ADAM22: variants seen among roughly 807,000 people sequenced by gnomAD.
ADAM22 encodes the protein ADAM metallopeptidase domain 22.
ADAM22 carries 65 observed loss-of-function variants against 144.6 expected under a neutral mutation model. That is an observed-to-expected ratio of 0.45 (90% CI 0.37 to 0.55). The LOEUF (loss-of-function observed/expected upper bound fraction) is 0.55. Ranked by LOEUF, ADAM22 falls within the 20% of genes least tolerant of loss-of-function variation. The pLI is 0.00. For missense variants in ADAM22, 974 were observed against 1,184.9 expected (o/e 0.82, Z 2.61); for synonymous variants, 391 against 412.6 (o/e 0.95, Z 0.63).
rs1041133022 is a variant in ADAM22 at position 88,070,606 on chromosome 7, A to G, written c.324-5020A>G. On this transcript the variant is annotated intron_variant, in intron 3 of 31. Coordinates refer to ENST00000413139, the MANE Select transcript of ADAM22 (RefSeq NM_001324418.2). The stretch of plus-strand genomic sequence containing the variant: ...GAAGCACATGATTTTGTTTTTTTCT[A>G]TTATTGGTTATGTTAACTGTGATCA... Among the ~76,000 whole-genome samples, 5 of 151,856 alleles carry G rather than the reference A, an allele frequency of 3.3e-5. 1 individual carries two copies. The South Asian group carries it at 8.3e-4, about 25-fold the overall frequency.
At chr7:88,047,720 A>AT (rs1404016418) in intron 3 of ADAM22, among the ~76,000 whole-genome samples, 4 of 152,160 alleles carry the variant, frequency 2.6e-5, no homozygotes, top group Non-Finnish European at 4.4e-5. Flanking sequence ...TGAGTTTGTA[A>AT]TACACTGAGA....
intron 4 of ADAM22, among the ~76,000 whole-genome samples, chr7:88,100,127 T>C (rs1045829113): frequency 2.6e-5 from 4 of 152,202 alleles, no homozygotes; most frequent in South Asian, 2.1e-4. Context: ...TGATATACTA[T>C]ACTTCTCTAT....
chr7:87,982,699 A>ATATATATATATATATATATATATATATAT (rs10527361), intron 3 of ADAM22, among the ~76,000 whole-genome samples: 20 of 62,916 alleles, frequency 3.2e-4, no homozygotes, highest in Middle Eastern at 8.9e-3. Context: ...ATATATATAT[A>ATATATATATATATATATATATATATATAT]ATTTTTTTTT....
chr7:88,057,706 A>G (rs376532769), intron 3 of ADAM22, among the ~76,000 whole-genome samples: 18 of 152,370 alleles, frequency 1.2e-4, no homozygotes, highest in African/African-American at 4.1e-4. Context: ...AGCTCATCAG[A>G]AATAATTGTA....
At chr7:88,125,048 G>A (rs543270111) in intron 7 of ADAM22, among the ~76,000 whole-genome samples, 23 of 151,968 alleles carry the variant, frequency 1.5e-4, no homozygotes, top group African/African-American at 4.3e-4. Context: ...GAATCTATAC[G>A]CATAAACAGT....
At chr7:88,032,791 A>G (rs1031822613) in intron 3 of ADAM22, among the ~76,000 whole-genome samples, 1 of 152,174 alleles carries the variant, frequency 6.6e-6, no homozygotes, top group African/African-American at 2.4e-5. Context: ...GGGCTGTCTC[A>G]TGATACAGTT....
At chr7:88,161,409 G>A (rs562359893) in intron 22 of ADAM22, among the ~76,000 whole-genome samples, 1 of 152,112 alleles carries the variant, frequency 6.6e-6, no homozygotes, top group South Asian at 2.1e-4. Flanking sequence ...CATAAGAATA[G>A]TCAAAGATTT....
At chr7:88,088,345 A>G (rs1361023070) in intron 4 of ADAM22, among the ~76,000 whole-genome samples, 1 of 152,082 alleles carries the variant, frequency 6.6e-6, no homozygotes, top group Admixed American at 6.6e-5. Context: ...ACTTAGCACA[A>G]TACCATCTCC....
In ADAM22 at chr7:88,165,930, C is replaced by A; in HGVS notation, c.2175C>A (p.Ile725=). 1 of 1,609,664 alleles carries A rather than the reference C, an allele frequency of 6.2e-7. No individual in the cohort carries two copies. The change falls in exon 24 of 32, where the codon ATC becomes ATA. Residue 725 remains isoleucine, a synonymous_variant. Coordinates refer to ENST00000413139, the MANE Select transcript of ADAM22 (RefSeq NM_001324418.2). The stretch of plus-strand genomic sequence containing the variant: ...ACAATGATGATGCAAAGACTGGTAT[C>A]ACTCTGTCTGGCAATGGTAAGTACT... ...FPHNDDAKTG[I]TLSGNGVAGT...
intron 3 of ADAM22, among the ~76,000 whole-genome samples, chr7:88,072,070 G>T (rs1041575802): frequency 1.3e-5 from 2 of 152,188 alleles, no homozygotes; most frequent in African/African-American, 2.4e-5. Context: ...AGAGGGAAAA[G>T]TGAAAGTTTA....
intron 31 of ADAM22, among the ~76,000 whole-genome samples, chr7:88,195,589 C>T (rs894959787): frequency 1.3e-5 from 2 of 152,138 alleles, no homozygotes; most frequent in African/African-American, 2.4e-5. Context: ...GATCTCGGCT[C>T]ACTGCAAGCT....
At chr7:88,132,506 G>A (rs750702285) in intron 11 of ADAM22, 23 of 190,772 alleles carry the variant, frequency 1.2e-4, no homozygotes, top group Non-Finnish European at 2.2e-4. Context: ...GAAGAGTATA[G>A]GCCAATTATT....
chr7:87,994,219 T>G (rs996445741), intron 3 of ADAM22, among the ~76,000 whole-genome samples: 1 of 151,634 alleles, frequency 6.6e-6, no homozygotes, highest in Non-Finnish European at 1.5e-5. Context: ...TGGAGTGCAG[T>G]GGTGTGATCT....
chr7:87,958,454 C>T (rs1167034066), intron 2 of ADAM22, among the ~76,000 whole-genome samples: 3 of 151,450 alleles, frequency 2.0e-5, no homozygotes, highest in African/African-American at 4.9e-5. Context: ...GGCGTGATCT[C>T]GGCTCACTGC....
chr7:87,988,555 T>G (rs1688896), intron 3 of ADAM22, among the ~76,000 whole-genome samples: 88,617 of 152,038 alleles, frequency 0.58, 26,655 homozygotes, highest in African/African-American at 0.72. Flanking sequence ...ATATTAATTG[T>G]ATATTTTAAA....
At chr7:88,051,305 T>TGTC (rs1415975775) in intron 3 of ADAM22, among the ~76,000 whole-genome samples, 1 of 152,192 alleles carries the variant, frequency 6.6e-6, no homozygotes, top group Admixed American at 6.5e-5. Context: ...CCAACCTAAA[T>TGTC]GTCCATCAGT....
intron 3 of ADAM22, among the ~76,000 whole-genome samples, chr7:88,045,526 C>T (rs867167052): frequency 4.6e-5 from 7 of 152,276 alleles, no homozygotes; most frequent in Middle Eastern, 3.4e-3. Flanking sequence ...TCTGTCACCT[C>T]ACGTACTTTT....
intron 31 of ADAM22, among the ~76,000 whole-genome samples, chr7:88,195,606 C>T (rs1049255442): frequency 6.6e-6 from 1 of 152,120 alleles, no homozygotes; most frequent in African/African-American, 2.4e-5. Flanking sequence ...AGCTCCGCCT[C>T]CCGGGTTCAC....
At chr7:88,145,984 AATACCAT>A (rs1836280719) in intron 17 of ADAM22, among the ~76,000 whole-genome samples, 1 of 152,194 alleles carries the variant, frequency 6.6e-6, no homozygotes, top group Non-Finnish European at 1.5e-5. Flanking sequence ...GAGACATGAT[AATACCAT>A]GCATATATTA....
Sources: allele counts gnomAD v4.1 joint callset (sites outside exome capture counted in the v4.1 genomes callset), GRCh38; gene constraint gnomAD v4.1.1; transcripts MANE v1.5; gene names NCBI Gene and HGNC (gene_info 2026-07-23, HGNC 2026-07-21).